CDH10: variants seen among roughly 807,000 people sequenced by gnomAD.
The protein encoded by CDH10 is cadherin 10.
Under a neutral mutation model 73.1 loss-of-function variants are expected in CDH10, and 30 were observed. That is an observed-to-expected ratio of 0.41 (90% CI 0.31 to 0.56). The LOEUF (loss-of-function observed/expected upper bound fraction) is 0.56. Among genes scored for constraint, CDH10 ranks in the 20% least tolerant of loss-of-function variants. The pLI, the probability that CDH10 is intolerant of heterozygous loss-of-function variation, is 0.27. For synonymous variants in CDH10, 345 were observed against 348.2 expected (o/e 0.99, Z 0.10); for missense variants, 815 against 973.7 (o/e 0.84, Z 2.17).
At chr5:24,511,274 G>T in intron 6 of CDH10, 53 bp downstream of exon 6, 3 of 1,077,784 alleles carry the variant, frequency 2.8e-6, no homozygotes, top group East Asian at 2.3e-5. Flanking sequence ...AGTATATAAT[G>T]CAATCCCTAC....
chr5:24,633,400 A>G (rs150049337), intron 1 of CDH10, among the ~76,000 whole-genome samples: 46 of 152,020 alleles, frequency 3.0e-4, no homozygotes, highest in Non-Finnish European at 5.3e-4. Context: ...AAAAATGTAA[A>G]CAAATTTGTC....
At chr5:24,524,643 G>A (rs1579759304) in intron 5 of CDH10, among the ~76,000 whole-genome samples, 2 of 152,022 alleles carry the variant, frequency 1.3e-5, no homozygotes, top group East Asian at 3.9e-4. Flanking sequence ...ATTTCTTCCT[G>A]GTGGGTACAT....
At chr5:24,558,869 T>A (rs1242925603) in intron 2 of CDH10, among the ~76,000 whole-genome samples, 1 of 151,874 alleles carries the variant, frequency 6.6e-6, no homozygotes, top group African/African-American at 2.4e-5. Context: ...AACTTCAACA[T>A]ATATTAGTTA....
At chr5:24,594,349 G>A (rs1340094523) in intron 1 of CDH10, among the ~76,000 whole-genome samples, 2 of 151,814 alleles carry the variant, frequency 1.3e-5, no homozygotes, top group Admixed American at 6.6e-5. Context: ...ACAGCCTACT[G>A]ACTGTTCTCT....
At position 24,608,522 on chromosome 5, in the gene CDH10, A is replaced by T. The variant is rs899465662; in HGVS notation, c.-123-14909T>A. On this transcript the variant is annotated intron_variant, in intron 1 of 11. Coordinates refer to ENST00000264463, the MANE Select transcript of CDH10 (RefSeq NM_006727.5). ...TGGCCAGGATGGTCTCAATCTCTTG[A>T]CCTCATGATCCGCCCGTCTCGACCT... 4.6e-5 allele frequency among the ~76,000 whole-genome samples: 7 copies of T among 151,988 alleles called. No homozygotes were observed. The South Asian group carries it at 1.5e-3, about 32-fold the overall frequency.
chr5:24,544,734 T>G (rs1316211360), intron 2 of CDH10, among the ~76,000 whole-genome samples: 1 of 152,314 alleles, frequency 6.6e-6, no homozygotes, highest in East Asian at 1.9e-4. Flanking sequence ...CAACTTGAAT[T>G]ACTCAAGAAC....
Position 24,593,207 on chromosome 5 carries a change from G to A in CDH10, c.231+53C>T. On this transcript the variant is annotated intron_variant, in intron 2 of 11. Transcript: ENST00000264463. Reference sequence around the variant, plus strand: ...TTTGATGACCTTCAAATTTTCATCAGTAAAATATATAAAGAGCAAATATAA... The same window carrying A: ...TTTGATGACCTTCAAATTTTCATCAATAAAATATATAAAGAGCAAATATAA... 3.0e-6 allele frequency: 3 copies of A among 991,466 alleles called. No individual in the cohort carries two copies. In the South Asian group the frequency reaches 4.3e-5, roughly 14 times the overall value. The allele number at this position is 991,466 out of a possible 1,614,324, so 61.4% of individuals were successfully genotyped here. A position where few individuals can be genotyped will look rare whatever the true frequency, so the allele number is the denominator to read the frequency against.
intron 1 of CDH10, among the ~76,000 whole-genome samples, chr5:24,603,677 T>C (rs1309018897): frequency 1.3e-5 from 2 of 152,058 alleles, no homozygotes; most frequent in South Asian, 2.1e-4. Flanking sequence ...TCAAGTCTTA[T>C]ATAGCAGACC....
chr5:24,604,892 A>AC (rs1561192102), intron 1 of CDH10, among the ~76,000 whole-genome samples: 35 of 147,086 alleles, frequency 2.4e-4, no homozygotes, highest in African/African-American at 8.4e-4. Context: ...AAAAAAAAAA[A>AC]AAACAAAAAC....
intron 5 of CDH10, among the ~76,000 whole-genome samples, chr5:24,531,016 T>C (rs1743722422): frequency 6.6e-6 from 1 of 152,076 alleles, no homozygotes; most frequent in African/African-American, 2.4e-5. Flanking sequence ...TCCTCATTCT[T>C]TGGAATGTTC....
chr5:24,604,889 A>C (rs1485021478), intron 1 of CDH10, among the ~76,000 whole-genome samples: 14 of 147,368 alleles, frequency 9.5e-5, no homozygotes, highest in African/African-American at 1.8e-4. Context: ...AAAAAAAAAA[A>C]AAAAAACAAA....
At chr5:24,582,637 T>A (rs1014063487) in intron 2 of CDH10, among the ~76,000 whole-genome samples, 4 of 152,096 alleles carry the variant, frequency 2.6e-5, no homozygotes, top group African/African-American at 4.8e-5. Context: ...ATTTAAAAAA[T>A]TTTTAAAACA....
At chr5:24,567,987 A>C (rs919038969) in intron 2 of CDH10, among the ~76,000 whole-genome samples, 1 of 152,120 alleles carries the variant, frequency 6.6e-6, no homozygotes, top group African/African-American at 2.4e-5. Flanking sequence ...ATTTTTAATC[A>C]TGATCAAAAC....
intron 7 of CDH10, 62 bp from the exon 8 acceptor site, chr5:24,505,310 A>G (rs2111728837): frequency 1.5e-6 from 2 of 1,318,310 alleles, no homozygotes; most frequent in Middle Eastern, 3.6e-4. Flanking sequence ...AGGAAAAAAT[A>G]GTGAAATGCA....
intron 2 of CDH10, among the ~76,000 whole-genome samples, chr5:24,583,204 TA>T (rs35552025): frequency 5.9e-4 from 85 of 143,986 alleles, no homozygotes; most frequent in African/African-American, 1.2e-3. Flanking sequence ...ATTTTTTAGT[TA>T]AAAAAAAAAA....
intron 2 of CDH10, among the ~76,000 whole-genome samples, chr5:24,583,992 T>A (rs1201230996): frequency 6.6e-6 from 1 of 152,188 alleles, no homozygotes; most frequent in Non-Finnish European, 1.5e-5. Flanking sequence ...ATTCTAATCC[T>A]GGAGTCATAC....
At chr5:24,591,806 T>G (rs1440139382) in intron 2 of CDH10, among the ~76,000 whole-genome samples, 1 of 151,954 alleles carries the variant, frequency 6.6e-6, no homozygotes, top group Non-Finnish European at 1.5e-5. Flanking sequence ...GTAGCTTGAC[T>G]ATGAGAGTAT....
At chr5:24,570,122 G>C (rs1475245323) in intron 2 of CDH10, among the ~76,000 whole-genome samples, 3 of 152,028 alleles carry the variant, frequency 2.0e-5, no homozygotes, top group African/African-American at 7.3e-5. Context: ...CCAATTTTCT[G>C]TTAAATTGGG....
chr5:24,545,675 T>C (rs1007440366), intron 2 of CDH10, among the ~76,000 whole-genome samples: 1 of 151,766 alleles, frequency 6.6e-6, no homozygotes, highest in East Asian at 1.9e-4. Context: ...TAGCCAGTCA[T>C]GGTGGCATGC....
Sources: allele counts gnomAD v4.1 joint callset (sites outside exome capture counted in the v4.1 genomes callset), GRCh38; gene constraint gnomAD v4.1.1; transcripts MANE v1.5; gene names NCBI Gene and HGNC (gene_info 2026-07-23, HGNC 2026-07-21).